PLEKHH2: variants seen among roughly 807,000 people sequenced by gnomAD.
The protein encoded by PLEKHH2 is pleckstrin homology, MyTH4 and FERM domain containing H2.
PLEKHH2 carries 129 observed loss-of-function variants against 187.9 expected under a neutral mutation model. The observed-to-expected ratio is 0.69, with a 90% confidence interval of 0.59 to 0.79. The LOEUF is 0.79. Ranked by LOEUF, PLEKHH2 falls within the 30% of genes least tolerant of loss-of-function variation. PLEKHH2 has a pLI of 0.00. For synonymous variants in PLEKHH2, 686 were observed against 605.6 expected, an observed-to-expected ratio of 1.13 and a Z score of -1.95; for missense variants, 2,076 against 1,751.2, an observed-to-expected ratio of 1.19 and a Z score of -3.31.
At position 43,671,677 on chromosome 2, in the gene PLEKHH2, A is replaced by T. The variant is rs72870456; in HGVS notation, c.124-7186A>T. Among the ~76,000 whole-genome samples the T allele has an allele frequency of 1.9e-3, 291 of 152,256 alleles. 3 individuals are homozygous for T. Among genetic ancestry groups the T allele is most frequent in the Middle Eastern group, 0.014 (4 of 294 alleles). ...AGATTTTTATTGTGAATGGATGTTG[A>T]ATTTTGTCAGATGATTTTTCTTCAT... On this transcript the variant is annotated intron_variant, in intron 2 of 29. Coordinates refer to ENST00000282406, the MANE Select transcript of PLEKHH2 (RefSeq NM_172069.4).
At chr2:43,694,132 G>C (rs1410123329) in intron 4 of PLEKHH2, among the ~76,000 whole-genome samples, 1 of 152,102 alleles carries the variant, frequency 6.6e-6, no homozygotes, top group Non-Finnish European at 1.5e-5. Context: ...CTAAATCCTA[G>C]ACCATTCCCA....
intron 3 of PLEKHH2, 53 bp from the exon 4 acceptor site, chr2:43,692,461 C>A: frequency 7.1e-7 from 1 of 1,410,404 alleles, no homozygotes. Flanking sequence ...AGGTTTAATA[C>A]TGTGATAACC....
At chr2:43,648,772 G>A (rs190229284) in intron 2 of PLEKHH2, among the ~76,000 whole-genome samples, 1 of 151,270 alleles carries the variant, frequency 6.6e-6, no homozygotes, top group African/African-American at 2.4e-5. Flanking sequence ...TAGAGACGGG[G>A]TTTCACCATG....
intron 3 of PLEKHH2, chr2:43,681,372 C>G: frequency 6.9e-7 from 1 of 1,443,346 alleles, no homozygotes. Context: ...TACTTCTTGG[C>G]TGCTACTGGA....
Position 43,704,222 on chromosome 2 carries a change from C to T in PLEKHH2, c.1726+166C>T, listed in dbSNP as rs187205752. On this transcript the variant is annotated intron_variant, in intron 9 of 29. Transcript: ENST00000282406. ...TTCATAGGAATAGAAAGTAGAATGG[C>T]GGTTACCAGGGTCAGGGTGTGCGTG... Among the ~76,000 whole-genome samples, 150 of 152,058 alleles carry T rather than the reference C, an allele frequency of 9.9e-4. No individual in the cohort carries two copies. Among genetic ancestry groups the T allele is most frequent in the African/African-American group, 3.6e-3 (148 of 41,492 alleles).
At chr2:43,669,519 C>G (rs146734701) in intron 2 of PLEKHH2, among the ~76,000 whole-genome samples, 1 of 151,758 alleles carries the variant, frequency 6.6e-6, no homozygotes, top group Non-Finnish European at 1.5e-5. Context: ...AAGACATTAA[C>G]AAAATGATAT....
chr2:43,646,729 GTTTTC>G (rs1366850121), intron 2 of PLEKHH2, among the ~76,000 whole-genome samples: 1 of 150,720 alleles, frequency 6.6e-6, no homozygotes, highest in Non-Finnish European at 1.5e-5. Context: ...CAGATTAAAT[GTTTTC>G]TTTGTCAGTG....
At position 43,729,619 on chromosome 2, in the gene PLEKHH2, A is replaced by T; in HGVS notation, c.2722-18A>T. The T allele has an allele frequency of 2.0e-6, 3 of 1,503,748 alleles. No individual in the cohort carries two copies. Among genetic ancestry groups the T allele is most frequent in the Non-Finnish European group, 2.7e-6 (3 of 1,115,976 alleles). The allele number at this position is 1,503,748 out of a possible 1,614,324, so 93.2% of individuals were successfully genotyped here. A position where few individuals can be genotyped will look rare whatever the true frequency, so the allele number is the denominator to read the frequency against. On this transcript the variant is annotated intron_variant, in intron 17 of 29. Coordinates refer to ENST00000282406, the MANE Select transcript of PLEKHH2 (RefSeq NM_172069.4). ...AAAACTGTGTCTTAACATTTAATTA[A>T]TATGTTCTGGTTTTAAGGACACTTG... is the stretch of plus-strand genomic sequence containing the variant.
intron 2 of PLEKHH2, among the ~76,000 whole-genome samples, chr2:43,645,352 T>C (rs1389169269): frequency 6.6e-6 from 1 of 152,174 alleles, no homozygotes; most frequent in Non-Finnish European, 1.5e-5. Context: ...AATAGATTTG[T>C]TCATTTATTC....
At chr2:43,711,666 C>A in intron 14 of PLEKHH2, 11 of 748,100 alleles carry the variant, frequency 1.5e-5, no homozygotes, top group Non-Finnish European at 1.6e-5. Flanking sequence ...CTGAGGCAGG[C>A]GGATCATGAG....
In PLEKHH2 at chr2:43,729,752, T is replaced by C; in HGVS notation, c.2830+7T>C. The C allele has an allele frequency of 6.4e-7, 1 of 1,563,590 alleles. No homozygotes were observed. Among genetic ancestry groups the C allele is most frequent in the South Asian group, 1.2e-5 (1 of 85,336 alleles). On this transcript the variant is annotated splice_region_variant and intron_variant, in intron 18 of 29. Transcript: ENST00000282406. Reference sequence around the variant, plus strand: ...AATATAGACGGGGAGCCTTGTAAGTTCATAAACATATAAATAAAGCTTTAT... The same window carrying C: ...AATATAGACGGGGAGCCTTGTAAGTCCATAAACATATAAATAAAGCTTTAT...
At chr2:43,696,616 C>G (rs1172958064) in intron 6 of PLEKHH2, among the ~76,000 whole-genome samples, 1 of 151,630 alleles carries the variant, frequency 6.6e-6, no homozygotes, top group Non-Finnish European at 1.5e-5. Flanking sequence ...GTGATTAAAG[C>G]TCTTTATATT....
At position 43,709,972 on chromosome 2, in the gene PLEKHH2, C is replaced by G; in HGVS notation, c.1967-18C>G. The G allele has an allele frequency of 1.3e-6, 2 of 1,593,378 alleles. No individual in the cohort carries two copies. Among genetic ancestry groups the G allele is most frequent in the Non-Finnish European group, 1.7e-6 (2 of 1,171,584 alleles). ...CCAGTATTAAATACTGACTTGATTT[C>G]TTTCTTTGTTCTCTTAGGTGTGTCT... On this transcript the variant is annotated intron_variant, in intron 11 of 29. Transcript: ENST00000282406.
In PLEKHH2 at chr2:43,644,788, G is replaced by T. The variant is rs1482797044; in HGVS notation, c.115G>T (p.Ala39Ser). ...VQASKIRELL[A>S]EKMQQLERQV... is the part of the protein sequence containing the mutation. ...AGCAAGCAAGATACGAGAGCTTTTA[G>T]CAGAGAAGGTAAGCTTTCTCCCTAA... Residue 39 changes from alanine to serine, a missense_variant, in exon 2 of 30, where the codon GCA (alanine) becomes TCA (serine). By Grantham distance (99) the Ala-to-Ser change is moderately conservative. Transcript: ENST00000282406. 6.2e-7 allele frequency: 1 copy of T among 1,605,810 alleles called. No individual in the cohort carries two copies. Among genetic ancestry groups the T allele is most frequent in the South Asian group, 1.1e-5 (1 of 89,468 alleles).
intron 20 of PLEKHH2, among the ~76,000 whole-genome samples, chr2:43,739,952 C>T (rs1276999097): frequency 6.6e-6 from 1 of 152,138 alleles, no homozygotes; most frequent in African/African-American, 2.4e-5. Flanking sequence ...AAAGTTAATA[C>T]GTGGTATTAC....
chr2:43,740,031 C>T (rs983035966), intron 20 of PLEKHH2, among the ~76,000 whole-genome samples: 4 of 152,232 alleles, frequency 2.6e-5, no homozygotes, highest in Non-Finnish European at 4.4e-5. Context: ...TCCTTAAGGG[C>T]AGGGACAATG....
intron 2 of PLEKHH2, among the ~76,000 whole-genome samples, chr2:43,655,257 T>C (rs1185796069): frequency 6.6e-6 from 1 of 151,862 alleles, no homozygotes; most frequent in Non-Finnish European, 1.5e-5. Flanking sequence ...GAAACTGGAA[T>C]GTGGCAAGGA....
intron 15 of PLEKHH2, among the ~76,000 whole-genome samples, chr2:43,717,908 G>T (rs1670290162): frequency 6.6e-6 from 1 of 152,196 alleles, no homozygotes; most frequent in Non-Finnish European, 1.5e-5. Flanking sequence ...AAAAATGCTA[G>T]CTATTATCAT....
intron 1 of PLEKHH2, among the ~76,000 whole-genome samples, chr2:43,641,902 G>T (rs542006875): frequency 2.0e-5 from 3 of 152,164 alleles, no homozygotes; most frequent in African/African-American, 4.8e-5. Context: ...TTTGTAGTAA[G>T]TTTAGAAATA....
Sources: gnomAD v4.1 joint callset for allele counts (sites outside exome capture counted in the v4.1 genomes callset) on GRCh38, gnomAD v4.1.1 for gene constraint, MANE v1.5 for transcripts, NCBI Gene and HGNC (gene_info 2026-07-23, HGNC 2026-07-21) for gene names.